MMP11: variants seen among roughly 807,000 people sequenced by gnomAD.
The protein encoded by MMP11 is stromelysin-3.
In MMP11, 26 loss-of-function variants were observed where a neutral mutation model predicts 49.5. The observed-to-expected ratio is 0.52, with a 90% CI of 0.38 to 0.73. MMP11 has a LOEUF of 0.73. Among genes scored for constraint, MMP11 ranks in the 30% least tolerant of loss-of-function variants. The probability of loss-of-function intolerance (pLI) is 0.00; values close to 1 mark genes in which losing one functional copy is unlikely to be tolerated. For missense variants in MMP11, 624 were observed against 671.2 expected (o/e 0.93, Z 0.78); for synonymous variants, 265 against 282.3 (o/e 0.94, Z 0.62).
At chr22:23,777,947 G>A (rs1366427121) in intron 1 of MMP11, 5 of 152,286 alleles carry the variant, frequency 3.3e-5, no homozygotes, top group African/African-American at 7.2e-5. Flanking sequence ...CTGGGATCAG[G>A]AGCAGGGAGC....
At chr22:23,782,181 G>A (rs1927658988) in intron 6 of MMP11, 45 bp from the exon 7 acceptor site, 1 of 1,586,838 alleles carries the variant, frequency 6.3e-7, no homozygotes, top group Non-Finnish European at 8.6e-7. Context: ...GCGGGGCATG[G>A]CAGTGGTGGC....
intron 6 of MMP11, chr22:23,781,860 G>A: frequency 1.6e-6 from 1 of 608,240 alleles, no homozygotes. Flanking sequence ...CTTCACAAAT[G>A]AAGGCACAGC....
chr22:23,774,927 C>CG (rs1479883548), intron 1 of MMP11, among the ~76,000 whole-genome samples: 5 of 152,166 alleles, frequency 3.3e-5, no homozygotes, highest in African/African-American at 9.7e-5. Context: ...CTCCGAGTCT[C>CG]TAAGCTCTGC....
rs140405160 is a variant in MMP11, at chr22:23,779,950, G to A, written c.339-409G>A. 5.7e-4 allele frequency: 147 copies of A among 258,652 alleles called. 1 individual carries two copies. Among genetic ancestry groups the A allele is most frequent in the African/African-American group, 3.0e-3 (138 of 46,170 alleles). The allele number at this position is 258,652 out of a possible 1,614,324, so 16.0% of individuals were successfully genotyped here. On this transcript the variant is annotated intron_variant, in intron 2 of 7. Transcript: ENST00000215743. ...GGAAGCTGAGGCTCACACATCCTGC[G>A]GGTGGGGACCCAGCCTGAAGAATGG...
chr22:23,782,657 T>A, intron 7 of MMP11, 174 bp downstream of exon 7: 1 of 752,528 alleles, frequency 1.3e-6, no homozygotes, highest in Non-Finnish European at 2.1e-6. Flanking sequence ...CATTCCATAT[T>A]GCAGATGAGG....
chr22:23,783,600 C>G lies in MMP11; in HGVS notation c.*56C>G. On this transcript the variant is annotated 3_prime_UTR_variant, in exon 8 of 8. Transcript: ENST00000215743. Reference sequence around the variant, plus strand: ...CCCCTGCCAGGCCACGAATATCAGGCTAGAGACCCATGGCCATCTTTGTGG... The same window carrying G: ...CCCCTGCCAGGCCACGAATATCAGGGTAGAGACCCATGGCCATCTTTGTGG... 6.2e-7 allele frequency: 1 copy of G among 1,604,106 alleles called. No individual in the cohort carries two copies.
intron 7 of MMP11, among the ~76,000 whole-genome samples, chr22:23,783,181 T>C (rs1927705202): frequency 6.6e-6 from 1 of 152,148 alleles, no homozygotes; most frequent in Admixed American, 6.5e-5. Context: ...TGGGTACCTG[T>C]CAGGCTGGGT....
intron 1 of MMP11, among the ~76,000 whole-genome samples, chr22:23,776,981 G>T (rs1016062801): frequency 1.3e-5 from 2 of 151,218 alleles, no homozygotes; most frequent in Non-Finnish European, 3.0e-5. Flanking sequence ...CTAATTTTTT[G>T]TATTTTTAGT....
rs550773047 is a variant in MMP11, at chr22:23,782,299, G to C, written c.1149G>C (p.Val383=). 1 of 1,613,810 alleles carries C rather than the reference G, an allele frequency of 6.2e-7. No individual in the cohort carries two copies. The highest frequency in any genetic ancestry group is 8.5e-7 in the Non-Finnish European group (1 of 1,180,016). Residue 383 remains valine (V), a synonymous_variant, in exon 7 of 8, where the codon GTG becomes GTC. Transcript: ENST00000215743. ...CACCCCTCACCGAGCTGGGCCTGGT[G>C]AGGTTCCCGGTCCATGCTGCCTTGG... ...GPAPLTELGL[V]RFPVHAALVW...
rs1314563011 is a variant in MMP11 at position 23,781,050 on chromosome 22, G to A, written c.808G>A (p.Ala270Thr). Residue 270 changes from alanine (A) to threonine (T), a missense_variant, in exon 5 of 8, where the codon GCC becomes ACC. Ala to Thr is a moderately conservative substitution (Grantham distance 58, BLOSUM62 0). Transcript: ENST00000215743. ...GCCCACTGTCACCTCCAGGACCCCA[G>A]CCCTGGGCCCCCAGGCTGGGATAGA... ...PWPTVTSRTP[A>T]LGPQAGIDTN... 6.2e-7 allele frequency: 1 copy of A among 1,611,356 alleles called. No individual in the cohort carries two copies. Among genetic ancestry groups the A allele is most frequent in the East Asian group, 2.2e-5 (1 of 44,876 alleles).
chr22:23,781,233 C>A lies in MMP11; in HGVS notation c.899C>A (p.Ala300Glu), dbSNP rs1273907488. ...PPDACEASFD[A>E]VSTIRGELFF... is the part of the protein sequence containing the mutation. ...GATGCCTGTGAGGCCTCCTTTGACGCGGTCTCCACCATCCGAGGCGAGCTC... is the reference window on the plus strand; with the variant it reads ...GATGCCTGTGAGGCCTCCTTTGACGAGGTCTCCACCATCCGAGGCGAGCTC... Residue 300 changes from alanine (A) to glutamate (E), a missense_variant, in exon 6 of 8, where the codon GCG (alanine) becomes GAG (glutamate). Transcript: ENST00000215743. 16 of 1,611,518 alleles carry A rather than the reference C, an allele frequency of 9.9e-6. No individual in the cohort carries two copies. The highest frequency in any genetic ancestry group is 1.3e-5 in the African/African-American group (1 of 74,944).
intron 7 of MMP11, 29 bp from the exon 8 acceptor site, chr22:23,783,382 G>C: frequency 6.2e-7 from 1 of 1,611,998 alleles, no homozygotes; most frequent in Non-Finnish European, 8.5e-7. Flanking sequence ...GTGTCCGCTC[G>C]CCCAGGCTTG....
chr22:23,773,069 GC>G, intron 1 of MMP11, 91 bp downstream of exon 1: 1 of 1,076,134 alleles, frequency 9.3e-7, no homozygotes, highest in Non-Finnish European at 1.1e-6. Flanking sequence ...CGAAGGGGGC[GC>G]CCCGGGTGGC....
At position 23,780,186 on chromosome 22, in the gene MMP11, A is replaced by C. The variant is rs1193083258; in HGVS notation, c.339-173A>C. ...GCCTAAGTATGAGCAAACCACATACACATGTGCCCATGTGGCCAGGGAGAC... is the reference window on the plus strand; with the variant it reads ...GCCTAAGTATGAGCAAACCACATACCCATGTGCCCATGTGGCCAGGGAGAC... On this transcript the variant is annotated intron_variant, in intron 2 of 7. Transcript: ENST00000215743. This position sits in a 1 kb window ranked among gnomAD's most constrained non-coding sequence, Gnocchi z 4.6. The C allele has an allele frequency of 2.8e-6, 2 of 717,788 alleles. No homozygotes were observed. The highest frequency in any genetic ancestry group is 3.6e-5 in the African/African-American group (2 of 56,064). 44.5% of individuals were successfully genotyped at this position (717,788 alleles called of 1,614,324 possible).
Position 23,783,635 on chromosome 22 carries a change from C to A in MMP11, c.*91C>A. ...ATGGCCATCTTTGTGGCTGTGGGCA[C>A]CAGGCATGGGACTGAGCCCATGTCT... On this transcript the variant is annotated 3_prime_UTR_variant, in exon 8 of 8. Coordinates refer to ENST00000215743, the MANE Select transcript of MMP11 (RefSeq NM_005940.5). 3 of 1,548,898 alleles carry A rather than the reference C, an allele frequency of 1.9e-6. No homozygotes were observed. Among genetic ancestry groups the A allele is most frequent in the Non-Finnish European group, 2.7e-6 (3 of 1,128,412 alleles).
In MMP11 at chr22:23,780,077, A is replaced by G. The variant is rs1215303999; in HGVS notation, c.339-282A>G. ...GCTCAAGGAACCAAGGTGTCCCCAC[A>G]GTAAGTGGCACTGTCAGGTCTAGGA... is the stretch of plus-strand genomic sequence containing the variant. On this transcript the variant is annotated intron_variant, in intron 2 of 7. Coordinates refer to ENST00000215743, the MANE Select transcript of MMP11 (RefSeq NM_005940.5). The surrounding 1 kb of genome is among the most constrained non-coding windows in gnomAD (Gnocchi z 4.6). 2 of 488,122 alleles carry G rather than the reference A, an allele frequency of 4.1e-6. No homozygotes were observed. The highest frequency in any genetic ancestry group is 7.4e-6 in the Non-Finnish European group (2 of 269,822). The allele number at this position is 488,122 out of a possible 1,614,324, so 30.2% of individuals were successfully genotyped here. A position where few individuals can be genotyped will look rare whatever the true frequency, so the allele number is the denominator to read the frequency against.
intron 1 of MMP11, among the ~76,000 whole-genome samples, chr22:23,775,445 C>T (rs1468108815): frequency 1.3e-5 from 2 of 152,176 alleles, no homozygotes; most frequent in Non-Finnish European, 2.9e-5. Context: ...GGCCCCAGGC[C>T]AGAAAGGACT....
In MMP11 at chr22:23,781,276, C is replaced by T. The variant is rs1927621615; in HGVS notation, c.942C>T (p.Gly314=). The T allele has an allele frequency of 6.2e-7, 1 of 1,612,132 alleles. No individual in the cohort carries two copies. Among genetic ancestry groups the T allele is most frequent in the East Asian group, 2.2e-5 (1 of 44,888 alleles). ...GCGAGCTCTTTTTCTTCAAAGCGGG[C>T]TTTGTGTGGCGCCTCCGTGGGGGCC... ...IRGELFFFKA[G]FVWRLRGGQL... The change falls in exon 6 of 8, where the codon GGC becomes GGT. Residue 314 remains glycine (G), a synonymous_variant. Coordinates refer to ENST00000215743, the MANE Select transcript of MMP11 (RefSeq NM_005940.5).
intron 2 of MMP11, 105 bp downstream of exon 2, chr22:23,779,521 T>G: frequency 2.0e-6 from 2 of 1,017,124 alleles, no homozygotes; most frequent in East Asian, 2.6e-5. Context: ...TAGATCTTCG[T>G]GTCTAACAGA....
Sources: gnomAD v4.1 joint callset for allele counts (sites outside exome capture counted in the v4.1 genomes callset) on GRCh38, gnomAD v4.1.1 for gene constraint, Gnocchi (gnomAD v3.1) non-coding constraint, MANE v1.5 for transcripts, NCBI Gene and HGNC (gene_info 2026-07-23, HGNC 2026-07-21) for gene names.